The following PRKCG variants were observed in gnomAD, a reference collection of about 807,000 sequenced individuals.
PRKCG encodes the protein protein kinase C gamma.
PRKCG carries 28 observed loss-of-function variants against 82.0 expected under a neutral mutation model. The ratio of observed to expected loss-of-function variants is 0.34; its 90% confidence interval spans 0.25 to 0.47. The LOEUF (loss-of-function observed/expected upper bound fraction) is 0.47, where lower values mean the gene tolerates loss of function less well. Ranked by LOEUF, PRKCG falls within the 20% of genes least tolerant of loss-of-function variation. The pLI is 1.00. For missense variants in PRKCG, 640 were observed against 952.7 expected (o/e 0.67, Z 4.32); for synonymous variants, 383 against 376.6 (o/e 1.02, Z -0.20).
chr19:53,893,367 T>C lies in PRKCG; in HGVS notation c.915T>C (p.Cys305=). The change falls in exon 9 of 18, where the codon TGT becomes TGC. Residue 305 remains cysteine, a synonymous_variant. Transcript: ENST00000263431. ...CTCTCTTTCTTTTCTCCCAGGCTTGTAACTACCCCCTGGAATTGTATGAGG... is the reference window on the plus strand; with the variant it reads ...CTCTCTTTCTTTTCTCCCAGGCTTGCAACTACCCCCTGGAATTGTATGAGG... ...NCSLLQKFEA[C]NYPLELYERV... is the part of the protein sequence containing the mutation. 6.2e-7 allele frequency: 1 copy of C among 1,613,694 alleles called. No homozygotes were observed. Among genetic ancestry groups the C allele is most frequent in the Non-Finnish European group, 8.5e-7 (1 of 1,179,578 alleles).
Position 53,907,429 on chromosome 19 carries a change from C to T in PRKCG, c.*534C>T. The T allele has an allele frequency of 5.9e-6, 1 of 169,588 alleles. No homozygotes were observed. Among genetic ancestry groups the T allele is most frequent in the African/African-American group, 2.4e-5 (1 of 41,722 alleles). The allele number at this position is 169,588 out of a possible 1,614,324, so 10.5% of individuals were successfully genotyped here. On this transcript the variant is annotated 3_prime_UTR_variant, in exon 18 of 18. Coordinates refer to ENST00000263431, the MANE Select transcript of PRKCG (RefSeq NM_002739.5). ...TCTGGGATATATGGAGGATTCTTTC[C>T]CCAGAGGCTCCCAATCAGCTTTTGT...
chr19:53,905,561 T>C (rs1384316565), intron 16 of PRKCG, among the ~76,000 whole-genome samples: 2 of 151,670 alleles, frequency 1.3e-5, no homozygotes, highest in African/African-American at 4.8e-5. Context: ...CTCCCTTCTC[T>C]GAGTTTCTGC....
rs1484501625 is a variant in PRKCG at position 53,893,370 on chromosome 19, C to T, written c.918C>T (p.Asn306=). ...CSLLQKFEAC[N]YPLELYERVR... is the part of the protein sequence containing the mutation. The stretch of plus-strand genomic sequence containing the variant: ...TCTTTCTTTTCTCCCAGGCTTGTAA[C>T]TACCCCCTGGAATTGTATGAGGTGA... Residue 306 remains asparagine, a synonymous_variant, in exon 9 of 18, where the codon AAC becomes AAT. Transcript: ENST00000263431. 2 of 1,613,740 alleles carry T rather than the reference C, an allele frequency of 1.2e-6. No individual in the cohort carries two copies. Among genetic ancestry groups the T allele is most frequent in the Admixed American group, 1.7e-5 (1 of 60,028 alleles).
At chr19:53,902,199 A>C (rs1253849422) in intron 14 of PRKCG, among the ~76,000 whole-genome samples, 2 of 152,158 alleles carry the variant, frequency 1.3e-5, no homozygotes, top group Non-Finnish European at 2.9e-5. Flanking sequence ...AGATCACTTG[A>C]GGTCAGGAAT....
intron 15 of PRKCG, 89 bp downstream of exon 15, chr19:53,903,242 A>G: frequency 9.8e-7 from 1 of 1,021,168 alleles, no homozygotes; most frequent in South Asian, 1.3e-5. Flanking sequence ...AAAGGAGCCC[A>G]GAAGGTTGTG....
Position 53,883,196 on chromosome 19 carries a change from T to C in PRKCG, c.202+2T>C. The C allele has an allele frequency of 6.2e-7, 1 of 1,613,502 alleles. No homozygotes were observed. Among genetic ancestry groups the C allele is most frequent in the Non-Finnish European group, 8.5e-7 (1 of 1,179,818 alleles). On this transcript the variant is annotated splice_donor_variant, in intron 2 of 17. Coordinates refer to ENST00000263431, the MANE Select transcript of PRKCG (RefSeq NM_002739.5). LOFTEE classifies it high-confidence loss of function. This position sits in a 1 kb window ranked among gnomAD's most constrained non-coding sequence, Gnocchi z 5.4. The stretch of plus-strand genomic sequence containing the variant: ...GAAAGCAGGGCCTGCAATGTCAAGG[T>C]AAGAGCTGGGGACCGGGGCTCCTGG...
At position 53,884,067 on chromosome 19, in the gene PRKCG, A is replaced by C. The variant is rs1054586661; in HGVS notation, c.203-94A>C. ...CTCTTTCTGGTTTTCTCAGTGTCCG[A>C]GTTCCGCTCTCTCTTTCCAATTTTC... On this transcript the variant is annotated intron_variant, in intron 2 of 17. Coordinates refer to ENST00000263431, the MANE Select transcript of PRKCG (RefSeq NM_002739.5). The surrounding 1 kb of genome is among the most constrained non-coding windows in gnomAD (Gnocchi z 4.6). The C allele has an allele frequency of 1.2e-4, 149 of 1,234,246 alleles. 2 individuals are homozygous for C. In the East Asian group the frequency reaches 3.4e-3, roughly 28 times the overall value. The allele number at this position is 1,234,246 out of a possible 1,614,324, so 76.5% of individuals were successfully genotyped here.
At chr19:53,888,443 T>C (rs2068648051) in intron 3 of PRKCG, among the ~76,000 whole-genome samples, 1 of 152,198 alleles carries the variant, frequency 6.6e-6, no homozygotes, top group Non-Finnish European at 1.5e-5. Flanking sequence ...TAATGGACTC[T>C]GGAAATTTAG....
chr19:53,896,052 T>A (rs1260577031), intron 9 of PRKCG, among the ~76,000 whole-genome samples: 2 of 142,596 alleles, frequency 1.4e-5, no homozygotes, highest in African/African-American at 5.3e-5. Flanking sequence ...AGAGCGAGAC[T>A]CTATCTCAGA....
rs35079513 is a variant in PRKCG at position 53,900,449 on chromosome 19, C to G, written c.1404C>G (p.Leu468=). 18,307 of 1,614,158 alleles carry G rather than the reference C, an allele frequency of 0.011. 223 individuals are homozygous for G. The highest frequency in any genetic ancestry group is 0.055 in the Middle Eastern group (334 of 6,062). Residue 468 remains leucine (L), a synonymous_variant, in exon 13 of 18, where the codon CTC becomes CTG. Transcript: ENST00000263431. This position sits in a 1 kb window ranked among gnomAD's most constrained non-coding sequence, Gnocchi z 4.2. ...ACGCGGCAGAAATCGCTATCGGCCTCTTCTTCCTTCACAATCAGGGCATCA... is the reference window on the plus strand; with the variant it reads ...ACGCGGCAGAAATCGCTATCGGCCTGTTCTTCCTTCACAATCAGGGCATCA... ...AFYAAEIAIG[L]FFLHNQGIIY...
Position 53,892,695 on chromosome 19 carries a change from T to C in PRKCG, c.821+52T>C. 11 of 1,587,474 alleles carry C rather than the reference T, an allele frequency of 6.9e-6. No individual in the cohort carries two copies. The highest frequency in any genetic ancestry group is 8.5e-6 in the Non-Finnish European group (10 of 1,170,944). On this transcript the variant is annotated intron_variant, in intron 7 of 17. Coordinates refer to ENST00000263431, the MANE Select transcript of PRKCG (RefSeq NM_002739.5). This position sits in a 1 kb window ranked among gnomAD's most constrained non-coding sequence, Gnocchi z 5.9. ...ATGGAGCGCAATATTACCATCTCCA[T>C]CTGTGTGTGGTCTCTCTCCTCCAGG...
rs1159867314 is a variant in PRKCG at position 53,892,951 on chromosome 19, C to G, written c.822-37C>G. 1 of 1,590,748 alleles carries G rather than the reference C, an allele frequency of 6.3e-7. No individual in the cohort carries two copies. The highest frequency in any genetic ancestry group is 8.6e-7 in the Non-Finnish European group (1 of 1,159,546). ...TTTGCCTCTCCCATGGGTGCCCCAT[C>G]CCCGCTGCCCGCCTCTGGTCTCCGT... On this transcript the variant is annotated intron_variant, in intron 7 of 17. Transcript: ENST00000263431. The surrounding 1 kb of genome is among the most constrained non-coding windows in gnomAD (Gnocchi z 5.9).
intron 9 of PRKCG, among the ~76,000 whole-genome samples, chr19:53,895,754 G>A (rs1180007754): frequency 6.6e-6 from 1 of 152,134 alleles, no homozygotes; most frequent in African/African-American, 2.4e-5. Flanking sequence ...CTTTTGCAAA[G>A]TTAAGTTTGA....
At chr19:53,896,660 T>C (rs1239166974) in intron 9 of PRKCG, among the ~76,000 whole-genome samples, 1 of 152,156 alleles carries the variant, frequency 6.6e-6, no homozygotes, top group African/African-American at 2.4e-5. Flanking sequence ...CCTCAGGTGA[T>C]CTGCCCACCT....
chr19:53,906,945 C>T lies in PRKCG; in HGVS notation c.*50C>T. ...CCCAACGTCCCCTCCGCCGTGCCGG[C>T]GGCAGCCCCACTTCACCCCCAACTT... On this transcript the variant is annotated 3_prime_UTR_variant, in exon 18 of 18. Transcript: ENST00000263431. 1.2e-6 allele frequency: 2 copies of T among 1,610,878 alleles called. No homozygotes were observed. The highest frequency in any genetic ancestry group is 1.1e-5 in the South Asian group (1 of 90,982).
intron 5 of PRKCG, among the ~76,000 whole-genome samples, chr19:53,890,833 C>T (rs2068669882): frequency 6.6e-6 from 1 of 150,666 alleles, no homozygotes; most frequent in South Asian, 2.1e-4. Context: ...CTCACTGCAA[C>T]CTCCGCCTCT....
chr19:53,898,699 T>G (rs998181052), intron 11 of PRKCG, 71 bp downstream of exon 11: 2 of 1,461,104 alleles, frequency 1.4e-6, no homozygotes, highest in Non-Finnish European at 1.8e-6. Flanking sequence ...TGCGTTGGGA[T>G]TCTGAGTTTA....
intron 14 of PRKCG, among the ~76,000 whole-genome samples, 183 bp from the exon 15 acceptor site, chr19:53,902,890 C>CAAAAAAAAAAAAAAAAAAAAAAA (rs56955659): frequency 1.0e-4 from 2 of 19,966 alleles, no homozygotes; most frequent in African/African-American, 1.4e-4. Context: ...GAGACCCTGT[C>CAAAAAAAAAAAAAAAAAAAAAAA]AAAAAAAAAA....
At position 53,892,711 on chromosome 19, in the gene PRKCG, C is replaced by T. The variant is rs2068686331; in HGVS notation, c.821+68C>T. On this transcript the variant is annotated intron_variant, in intron 7 of 17. Coordinates refer to ENST00000263431, the MANE Select transcript of PRKCG (RefSeq NM_002739.5). The surrounding 1 kb of genome is among the most constrained non-coding windows in gnomAD (Gnocchi z 5.9). ...CCATCTCCATCTGTGTGTGGTCTCT[C>T]TCCTCCAGGCCACTGTCCTTCCCTC... 3 of 1,556,768 alleles carry T rather than the reference C, an allele frequency of 1.9e-6. No homozygotes were observed. The highest frequency in any genetic ancestry group is 4.6e-5 in the East Asian group (2 of 43,378).
Sources: allele counts gnomAD v4.1 joint callset (sites outside exome capture counted in the v4.1 genomes callset), GRCh38; gene constraint gnomAD v4.1.1; non-coding constraint Gnocchi (gnomAD v3.1); transcripts MANE v1.5; gene names NCBI Gene and HGNC (gene_info 2026-07-23, HGNC 2026-07-21).